The following OPCML variants were observed in gnomAD, a reference collection of about 807,000 sequenced individuals.
The protein encoded by OPCML is opioid binding protein/cell adhesion molecule like.
Under a neutral mutation model 37.8 loss-of-function variants are expected in OPCML, and 13 were observed. The observed-to-expected ratio is 0.34, with a 90% confidence interval of 0.22 to 0.55. The LOEUF (loss-of-function observed/expected upper bound fraction) is 0.55, where lower values mean the gene tolerates loss of function less well. OPCML is among the 20% of genes least tolerant of loss of function. OPCML has a pLI of 0.91. For synonymous variants in OPCML, 176 were observed against 168.8 expected, an observed-to-expected ratio of 1.04 and a Z score of -0.33; for missense variants, 341 against 435.6, an observed-to-expected ratio of 0.78 and a Z score of 1.93.
At chr11:132,570,771 ATATATATATATATATAT>A (rs1340718552) in intron 3 of OPCML, among the ~76,000 whole-genome samples, 3 of 103,888 alleles carry the variant, frequency 2.9e-5, no homozygotes, top group African/African-American at 1.2e-4. Flanking sequence ...ATATATATAT[ATATATATATATATATAT>A]ATATATATAT....
At chr11:132,810,861 C>T (rs1939300226) in intron 2 of OPCML, 2 of 152,198 alleles carry the variant, frequency 1.3e-5, no homozygotes, top group Non-Finnish European at 2.9e-5. Context: ...ACCGCCCATT[C>T]TCCCTCTCAG....
chr11:133,454,835 T>C (rs1277419788), intron 1 of OPCML, among the ~76,000 whole-genome samples: 4 of 152,166 alleles, frequency 2.6e-5, no homozygotes, highest in Admixed American at 6.5e-5. Flanking sequence ...GTATCACTTA[T>C]CAACATTTCC....
Position 133,235,164 on chromosome 11 carries a change from C to CT in OPCML, c.62-292155dup, listed in dbSNP as rs796216474. Among the ~76,000 whole-genome samples the CT allele has an allele frequency of 2.0e-5, 3 of 152,154 alleles. No homozygotes were observed. The South Asian group carries it at 6.2e-4, about 32-fold the overall frequency. On this transcript the variant is annotated intron_variant, in intron 1 of 7. Transcript: ENST00000524381. The stretch of plus-strand genomic sequence containing the variant: ...TCCTTTCCCCACCCAACCACACTAT[C>CT]TTTTCCTACAAATAGTTCTGCACAA...
rs1475206416 is a variant in OPCML at position 132,688,768 on chromosome 11, C to A, written c.147-31449G>T. Among the ~76,000 whole-genome samples, 2 of 98,320 alleles carry A rather than the reference C, an allele frequency of 2.0e-5. 1 individual carries two copies. The highest frequency in any genetic ancestry group is 4.2e-5 in the Non-Finnish European group (2 of 47,578). The allele number at this position is 98,320 out of a possible 152,430, so 64.5% of individuals were successfully genotyped here. A position where few individuals can be genotyped will look rare whatever the true frequency, so the allele number is the denominator to read the frequency against. ...ACCATCCTGGCTAACAAGGTGAAACCCCGTCTCTACTAAAAAAAAAAAATA... is the reference window on the plus strand; with the variant it reads ...ACCATCCTGGCTAACAAGGTGAAACACCGTCTCTACTAAAAAAAAAAAATA... On this transcript the variant is annotated intron_variant, in intron 2 of 7. Coordinates refer to ENST00000524381, the MANE Select transcript of OPCML (RefSeq NM_001012393.5).
chr11:133,449,447 G>A (rs979711755), intron 1 of OPCML, among the ~76,000 whole-genome samples: 8 of 152,320 alleles, frequency 5.3e-5, no homozygotes, highest in East Asian at 1.9e-4. Context: ...CCAAACTCTG[G>A]TATAGTGTAG....
intron 1 of OPCML, among the ~76,000 whole-genome samples, chr11:133,473,497 G>A (rs145938258): frequency 6.6e-6 from 1 of 152,274 alleles, no homozygotes; most frequent in East Asian, 1.9e-4. Flanking sequence ...TTAGAGACAA[G>A]GAAATAGGGG....
chr11:132,427,963 T>G (rs1288458191), intron 7 of OPCML, among the ~76,000 whole-genome samples: 1 of 152,250 alleles, frequency 6.6e-6, no homozygotes, highest in East Asian at 1.9e-4. Context: ...GGTGTTTCTC[T>G]CTGACTCATT....
At chr11:133,531,091 G>A (rs1013526974) in intron 1 of OPCML, among the ~76,000 whole-genome samples, 1 of 151,992 alleles carries the variant, frequency 6.6e-6, no homozygotes, top group African/African-American at 2.4e-5. Context: ...CAATTTGGGG[G>A]AAAAAAAGAG....
intron 3 of OPCML, among the ~76,000 whole-genome samples, chr11:132,594,703 G>A (rs2096489780): frequency 6.6e-6 from 1 of 152,076 alleles, no homozygotes; most frequent in Non-Finnish European, 1.5e-5. Context: ...ATTGGCCAAG[G>A]GTGAATATCC....
chr11:132,843,155 C>T (rs1382770546), intron 2 of OPCML, among the ~76,000 whole-genome samples: 1 of 142,692 alleles, frequency 7.0e-6, no homozygotes, highest in Non-Finnish European at 1.5e-5. Flanking sequence ...AGTGCAATGG[C>T]ACAATCTAGG....
At chr11:132,439,806 A>G (rs1329184398) in intron 4 of OPCML, among the ~76,000 whole-genome samples, 3 of 151,944 alleles carry the variant, frequency 2.0e-5, no homozygotes, top group African/African-American at 4.8e-5. Context: ...GGATTTTGCC[A>G]TGAGTAATTA....
intron 4 of OPCML, among the ~76,000 whole-genome samples, chr11:132,474,873 ACT>A (rs2136977706): frequency 6.6e-6 from 1 of 152,300 alleles, no homozygotes; most frequent in East Asian, 1.9e-4. Flanking sequence ...TGGCACCTCA[ACT>A]GTGTGGCCAC....
chr11:133,530,239 G>C (rs947472628), intron 1 of OPCML, among the ~76,000 whole-genome samples: 2 of 152,220 alleles, frequency 1.3e-5, no homozygotes, highest in African/African-American at 2.4e-5. Flanking sequence ...CTCCCCACCA[G>C]TGCAGTGCCA....
intron 3 of OPCML, among the ~76,000 whole-genome samples, chr11:132,653,537 C>T (rs1941543416): frequency 6.6e-6 from 1 of 152,196 alleles, no homozygotes; most frequent in Non-Finnish European, 1.5e-5. Flanking sequence ...ATCACATGCT[C>T]ACACGGTGCC....
rs116999782 is a variant in OPCML at position 133,147,420 on chromosome 11, G to C, written c.62-204410C>G. ...ATCTGGCATCTGGGAGGTGCATCTT[G>C]AGCAGACAGGACACGGAGAAAGCCC... On this transcript the variant is annotated intron_variant, in intron 1 of 7. Coordinates refer to ENST00000524381, the MANE Select transcript of OPCML (RefSeq NM_001012393.5). 9.7e-3 allele frequency among the ~76,000 whole-genome samples: 1,473 copies of C among 152,170 alleles called. 16 individuals are homozygous for C. Among genetic ancestry groups the C allele is most frequent in the African/African-American group, 0.022 (932 of 41,506 alleles).
chr11:132,448,352 AC>A (rs1395365759), intron 4 of OPCML, among the ~76,000 whole-genome samples: 1 of 152,178 alleles, frequency 6.6e-6, no homozygotes, highest in African/African-American at 2.4e-5. Flanking sequence ...TAGGCAAAGT[AC>A]CCACTAACCC....
intron 1 of OPCML, among the ~76,000 whole-genome samples, chr11:132,992,906 C>T (rs1036557339): frequency 2.0e-4 from 31 of 152,152 alleles, no homozygotes; most frequent in Admixed American, 2.0e-3. Flanking sequence ...GCTGGAGCAA[C>T]GTTGACATCC....
At chr11:133,245,453 G>A (rs1565526859) in intron 1 of OPCML, among the ~76,000 whole-genome samples, 1 of 152,136 alleles carries the variant, frequency 6.6e-6, no homozygotes, top group Non-Finnish European at 1.5e-5. Context: ...GGTGAGAGAA[G>A]CCATCTGGGA....
chr11:133,304,396 C>A (rs867933738), intron 1 of OPCML, among the ~76,000 whole-genome samples: 1 of 152,164 alleles, frequency 6.6e-6, no homozygotes, highest in Admixed American at 6.5e-5. Flanking sequence ...TAGTAAACAG[C>A]AGACACTATG....
Sources: gnomAD v4.1 joint callset for allele counts (sites outside exome capture counted in the v4.1 genomes callset) on GRCh38, gnomAD v4.1.1 for gene constraint, MANE v1.5 for transcripts, NCBI Gene and HGNC (gene_info 2026-07-23, HGNC 2026-07-21) for gene names.